COBLL1: variants seen among roughly 807,000 people sequenced by gnomAD.
COBLL1 encodes the protein cordon-bleu protein-like 1.
In COBLL1, 50 loss-of-function variants were observed where a neutral mutation model predicts 94.8. That is an observed-to-expected ratio of 0.53 (90% CI 0.42 to 0.67). The LOEUF (loss-of-function observed/expected upper bound fraction) is 0.67, where lower values mean the gene tolerates loss of function less well. COBLL1 is among the 30% of genes least tolerant of loss of function. COBLL1 has a pLI of 0.00. For synonymous variants in COBLL1, 448 were observed against 473.8 expected (o/e 0.95, Z 0.71); for missense variants, 1,362 against 1,348.7 (o/e 1.01, Z -0.15).
At chr2:164,728,745 G>A (rs543021581) in intron 4 of COBLL1, among the ~76,000 whole-genome samples, 73 of 152,020 alleles carry the variant, frequency 4.8e-4, no homozygotes, top group African/African-American at 1.7e-3. Context: ...ATTAGCTATT[G>A]TGATTAACTT....
rs565573806 is a variant in COBLL1, at chr2:164,683,145, T to A, written c.*2801A>T. 20 of 151,936 alleles carry A rather than the reference T, an allele frequency of 1.3e-4. No individual in the cohort carries two copies. Among genetic ancestry groups the A allele is most frequent in the Non-Finnish European group, 2.5e-4 (17 of 67,970 alleles). 9.4% of individuals were successfully genotyped at this position (151,936 alleles called of 1,614,324 possible). On this transcript the variant is annotated 3_prime_UTR_variant, in exon 14 of 14. Transcript: ENST00000652658. ...ATCTTTGGAGAGGAGAGTGGGATGC[T>A]GGGGATGAAAAAGAATGTATTTTAT... is the stretch of plus-strand genomic sequence containing the variant.
In COBLL1 at chr2:164,695,788, A is replaced by G. The variant is rs141221520; in HGVS notation, c.1604T>C (p.Met535Thr). The change falls in exon 12 of 14, where the codon ATG becomes ACG. Residue 535 changes from methionine (M) to threonine (T), a missense_variant. Transcript: ENST00000652658. ...TTCTGTTTTCTTCACTCCATTTTTCATATTGTCTTCTGTGTTCTCTGGATA... is the reference window on the plus strand; with the variant it reads ...TTCTGTTTTCTTCACTCCATTTTTCGTATTGTCTTCTGTGTTCTCTGGATA... ...IVYPENTEDNMKNGVKKTEIN... is the reference protein window; with the variant it reads ...IVYPENTEDNTKNGVKKTEIN... 13 of 1,609,938 alleles carry G rather than the reference A, an allele frequency of 8.1e-6. No homozygotes were observed. Among genetic ancestry groups the G allele is most frequent in the Non-Finnish European group, 1.1e-5 (13 of 1,178,224 alleles).
chr2:164,703,012 C>A, intron 9 of COBLL1: 1 of 683,364 alleles, frequency 1.5e-6, no homozygotes. Context: ...AATATGTTTA[C>A]ACAAGGTTTC....
In COBLL1 at chr2:164,767,290, A is replaced by G. The variant is rs80118330; in HGVS notation, c.42-23415T>C. Among the ~76,000 whole-genome samples, 23 of 152,356 alleles carry G rather than the reference A, an allele frequency of 1.5e-4. No homozygotes were observed. In the East Asian group the frequency reaches 4.4e-3, roughly 29 times the overall value. ...AAAAATCACTAGAGTTTTAAAACAT[A>G]TAGTTAGAAGAGACACTACCATTAT... On this transcript the variant is annotated intron_variant, in intron 2 of 13. Transcript: ENST00000652658.
At chr2:164,803,056 T>TA (rs1683893227) in intron 2 of COBLL1, among the ~76,000 whole-genome samples, 1 of 152,156 alleles carries the variant, frequency 6.6e-6, no homozygotes, top group Non-Finnish European at 1.5e-5. Flanking sequence ...TTTCCTCAAA[T>TA]AAAAAATTTT....
chr2:164,690,512 T>C (rs1393790776), intron 13 of COBLL1, among the ~76,000 whole-genome samples: 3 of 152,208 alleles, frequency 2.0e-5, no homozygotes, highest in Admixed American at 1.3e-4. Context: ...TCAGGGTCCA[T>C]AACACACCAA....
intron 2 of COBLL1, among the ~76,000 whole-genome samples, chr2:164,768,448 G>A (rs2105241751): frequency 6.6e-6 from 1 of 151,894 alleles, no homozygotes; most frequent in East Asian, 1.9e-4. Context: ...GCTACTGTTA[G>A]TATATTTTAT....
Position 164,692,333 on chromosome 2 carries a change from A to T in COBLL1, c.3188T>A (p.Phe1063Tyr). The T allele has an allele frequency of 6.2e-7, 1 of 1,613,542 alleles. No individual in the cohort carries two copies. Among genetic ancestry groups the T allele is most frequent in the Non-Finnish European group, 8.5e-7 (1 of 1,179,618 alleles). The stretch of plus-strand genomic sequence containing the variant: ...TAAAGAACTTTGTCTCATAACAGTG[A>T]ATGATGGGCCATCAGTTGGAGTTGG... Reference protein sequence around the residue: ...QIPTPTDGPSFTVMRQSSLTF... With the variant: ...QIPTPTDGPSYTVMRQSSLTF... The change falls in exon 13 of 14, where the codon TTC becomes TAC. Residue 1063 changes from phenylalanine (F) to tyrosine (Y), a missense_variant. Physicochemically the swap from Phe to Tyr is conservative, Grantham distance 22. Transcript: ENST00000652658.
At chr2:164,815,911 T>G (rs887718492) in intron 2 of COBLL1, among the ~76,000 whole-genome samples, 1 of 152,122 alleles carries the variant, frequency 6.6e-6, no homozygotes, top group African/African-American at 2.4e-5. Flanking sequence ...AAAGTAAAAT[T>G]TCTTAGACCA....
At chr2:164,725,101 G>GATATATATATATATATAT (rs760164549) in intron 5 of COBLL1, 26 of 76,284 alleles carry the variant, frequency 3.4e-4, no homozygotes, top group Admixed American at 2.9e-3. Flanking sequence ...TACCCTGCAG[G>GATATATATATATATATAT]ATATATATAT....
Position 164,704,854 on chromosome 2 carries a change from T to G in COBLL1, c.1150+98A>C, listed in dbSNP as rs1357363496. On this transcript the variant is annotated intron_variant, in intron 8 of 13. Transcript: ENST00000652658. ...AAGATGTATTTAAAAAGCCTAAGTA[T>G]TATTTAAAAAGCATAACTTACATAC... is the stretch of plus-strand genomic sequence containing the variant. 5 of 1,240,406 alleles carry G rather than the reference T, an allele frequency of 4.0e-6. No individual in the cohort carries two copies. In the East Asian group the frequency reaches 1.2e-4, roughly 31 times the overall value. The allele number at this position is 1,240,406 out of a possible 1,614,324, so 76.8% of individuals were successfully genotyped here. A position where few individuals can be genotyped will look rare whatever the true frequency, so the allele number is the denominator to read the frequency against.
intron 2 of COBLL1, among the ~76,000 whole-genome samples, chr2:164,778,371 C>T (rs1246017088): frequency 6.6e-6 from 1 of 152,162 alleles, no homozygotes; most frequent in African/African-American, 2.4e-5. Context: ...CTTTGGGAGG[C>T]CGGGGCAGGC....
downstream of COBLL1, among the ~76,000 whole-genome samples, chr2:164,677,669 A>G (rs1691361531): frequency 6.6e-6 from 1 of 152,128 alleles, no homozygotes; most frequent in African/African-American, 2.4e-5. Flanking sequence ...CTGACTCTCT[A>G]CCCTTCTCAC....
intron 2 of COBLL1, among the ~76,000 whole-genome samples, chr2:164,805,363 A>ATATATATATATATATAT (rs1553480466): frequency 8.6e-5 from 10 of 115,878 alleles, no homozygotes; most frequent in African/African-American, 1.7e-4. Context: ...ATATATATAT[A>ATATATATATATATATAT]AAACTAAAGT....
intron 2 of COBLL1, among the ~76,000 whole-genome samples, chr2:164,809,507 A>C (rs951026823): frequency 1.3e-5 from 2 of 152,064 alleles, no homozygotes; most frequent in Non-Finnish European, 2.9e-5. Flanking sequence ...AATGACAAAT[A>C]GCTCAAAATT....
intron 5 of COBLL1, among the ~76,000 whole-genome samples, chr2:164,725,230 A>G (rs1161037125): frequency 1.3e-5 from 2 of 151,292 alleles, no homozygotes; most frequent in East Asian, 3.9e-4. Flanking sequence ...GGCATTAAAC[A>G]GTAGAACTAA....
At chr2:164,690,675 T>G (rs1237104842) in intron 13 of COBLL1, among the ~76,000 whole-genome samples, 1 of 152,196 alleles carries the variant, frequency 6.6e-6, no homozygotes, top group African/African-American at 2.4e-5. Context: ...AACTTGGTTC[T>G]CCCATGGGCC....
rs1412173434 is a variant in COBLL1, at chr2:164,680,567, C to T, written c.*5379G>A. 6.6e-6 allele frequency: 1 copy of T among 152,084 alleles called. No individual in the cohort carries two copies. Among genetic ancestry groups the T allele is most frequent in the Non-Finnish European group, 1.5e-5 (1 of 68,028 alleles). The allele number at this position is 152,084 out of a possible 1,614,324, so 9.4% of individuals were successfully genotyped here. A position where few individuals can be genotyped will look rare whatever the true frequency, so the allele number is the denominator to read the frequency against. On this transcript the variant is annotated 3_prime_UTR_variant, in exon 14 of 14. Transcript: ENST00000652658. ...CTTGACTTAGGGAGTCCTGGGCCTG[C>T]TCACTTCTATTACTCATATGGCAGA...
chr2:164,758,987 C>T (rs1402369363), intron 2 of COBLL1, among the ~76,000 whole-genome samples: 2 of 151,432 alleles, frequency 1.3e-5, no homozygotes, highest in African/African-American at 4.9e-5. Context: ...AGGTTAGAAA[C>T]CTAGCATTTA....
Sources: allele counts gnomAD v4.1 joint callset (sites outside exome capture counted in the v4.1 genomes callset), GRCh38; gene constraint gnomAD v4.1.1; transcripts MANE v1.5; gene names NCBI Gene and HGNC (gene_info 2026-07-23, HGNC 2026-07-21).